MARCHF1: variants seen among roughly 807,000 people sequenced by gnomAD.
The protein encoded by MARCHF1 is E3 ubiquitin-protein ligase MARCHF1.
In MARCHF1, 40 loss-of-function variants were observed where a neutral mutation model predicts 54.2. That is an observed-to-expected ratio of 0.74 (90% CI 0.57 to 0.96). The LOEUF is 0.96. MARCHF1 is among the 40% of genes least tolerant of loss of function. MARCHF1 has a pLI of 0.00. For missense variants in MARCHF1, 586 were observed against 656.5 expected, an observed-to-expected ratio of 0.89 and a Z score of 1.17; for synonymous variants, 236 against 236.3, an observed-to-expected ratio of 1.00 and a Z score of 0.01.
At chr4:163,776,267 G>T (rs1747301329) in intron 4 of MARCHF1, among the ~76,000 whole-genome samples, 1 of 151,734 alleles carries the variant, frequency 6.6e-6, no homozygotes, top group South Asian at 2.1e-4. Context: ...TAAGTTTCAG[G>T]CTTTGTGTTC....
intron 3 of MARCHF1, among the ~76,000 whole-genome samples, chr4:163,922,555 T>C (rs901919876): frequency 8.5e-5 from 13 of 152,228 alleles, no homozygotes; most frequent in African/African-American, 3.1e-4. Flanking sequence ...TTCATCCATC[T>C]GTTACTCACA....
chr4:163,671,957 A>G (rs938868210), intron 5 of MARCHF1, among the ~76,000 whole-genome samples: 1 of 152,144 alleles, frequency 6.6e-6, no homozygotes, highest in Non-Finnish European at 1.5e-5. Context: ...AGGAGTAATC[A>G]AAGATTATTG....
At chr4:163,749,937 T>C (rs1002956946) in intron 4 of MARCHF1, among the ~76,000 whole-genome samples, 1 of 151,798 alleles carries the variant, frequency 6.6e-6, no homozygotes, top group Admixed American at 6.6e-5. Context: ...GGCATGGTGG[T>C]GCATGCCTGT....
intron 5 of MARCHF1, among the ~76,000 whole-genome samples, chr4:163,645,720 G>T (rs1233049336): frequency 6.6e-6 from 1 of 152,166 alleles, no homozygotes; most frequent in Non-Finnish European, 1.5e-5. Flanking sequence ...AGCTTCAGCA[G>T]CAGACTCAAT....
intron 4 of MARCHF1, among the ~76,000 whole-genome samples, chr4:163,737,216 T>C (rs554266979): frequency 0.022 from 1,304 of 60,104 alleles, 229 homozygotes; most frequent in Admixed American, 0.053. Context: ...TTTTTTTAAT[T>C]TTTTTTTTTT....
At chr4:164,215,351 T>A (rs1050586720) in intron 1 of MARCHF1, among the ~76,000 whole-genome samples, 1 of 152,174 alleles carries the variant, frequency 6.6e-6, no homozygotes, top group Non-Finnish European at 1.5e-5. Context: ...GACGTCCAGC[T>A]GCTTGTTTTC....
At chr4:164,018,230 T>G (rs1753587981) in intron 2 of MARCHF1, among the ~76,000 whole-genome samples, 1 of 151,928 alleles carries the variant, frequency 6.6e-6, no homozygotes, top group Admixed American at 6.6e-5. Context: ...ATAAATTTTT[T>G]TGGCTAAGTA....
At chr4:163,662,697 C>T (rs914706098) in intron 5 of MARCHF1, among the ~76,000 whole-genome samples, 4 of 151,944 alleles carry the variant, frequency 2.6e-5, no homozygotes, top group Non-Finnish European at 5.9e-5. Context: ...TGTGTGTCTC[C>T]GGCTAGTGGT....
intron 1 of MARCHF1, among the ~76,000 whole-genome samples, chr4:164,231,909 A>G (rs1303754774): frequency 6.6e-6 from 1 of 152,112 alleles, no homozygotes; most frequent in East Asian, 1.9e-4. Flanking sequence ...ATGCTTTGAC[A>G]CTATAATTGC....
intron 4 of MARCHF1, among the ~76,000 whole-genome samples, chr4:163,773,239 AG>A (rs1369141879): frequency 6.6e-6 from 1 of 152,178 alleles, no homozygotes; most frequent in African/African-American, 2.4e-5. Flanking sequence ...GAGAGGAGGA[AG>A]GGGCAGGCCC....
At chr4:163,954,462 T>A (rs1752193671) in intron 3 of MARCHF1, among the ~76,000 whole-genome samples, 1 of 152,172 alleles carries the variant, frequency 6.6e-6, no homozygotes, top group Non-Finnish European at 1.5e-5. Context: ...AATTTTCTCA[T>A]TTGTCCCTTG....
chr4:163,908,870 T>A (rs1751128552), intron 3 of MARCHF1, among the ~76,000 whole-genome samples: 1 of 152,110 alleles, frequency 6.6e-6, no homozygotes, highest in Non-Finnish European at 1.5e-5. Context: ...TTCTCTAGTG[T>A]AGATGTGCAA....
chr4:164,355,236 A>C lies in MARCHF1; in HGVS notation c.-323+28634T>G, dbSNP rs375529840. On this transcript the variant is annotated intron_variant, in intron 1 of 9. Coordinates refer to ENST00000514618, the MANE Select transcript of MARCHF1 (RefSeq NM_001394959.1). The stretch of plus-strand genomic sequence containing the variant: ...TGCCATCCCCATCAAGCTACCAATG[A>C]CTTTCTTCACAGAATTGGAAAAAAC... Among the ~76,000 whole-genome samples, 4 of 66,208 alleles carry C rather than the reference A, an allele frequency of 6.0e-5. No individual in the cohort carries two copies. In the Admixed American group the frequency reaches 8.0e-4, roughly 13 times the overall value. 43.4% of individuals were successfully genotyped at this position (66,208 alleles called of 152,430 possible).
chr4:163,573,284 A>C (rs1464910376), intron 8 of MARCHF1, among the ~76,000 whole-genome samples: 1 of 137,180 alleles, frequency 7.3e-6, no homozygotes, highest in Non-Finnish European at 1.5e-5. Flanking sequence ...TCCTATTTGG[A>C]TGCTTTTTCT....
At chr4:163,770,777 C>T (rs762876286) in intron 4 of MARCHF1, among the ~76,000 whole-genome samples, 7 of 152,082 alleles carry the variant, frequency 4.6e-5, no homozygotes, top group Admixed American at 6.6e-5. Flanking sequence ...AGTTCTTCAA[C>T]GCTCATGAGA....
At chr4:163,758,265 T>C (rs1395898759) in intron 4 of MARCHF1, among the ~76,000 whole-genome samples, 1 of 152,118 alleles carries the variant, frequency 6.6e-6, no homozygotes, top group Non-Finnish European at 1.5e-5. Context: ...TCCAAAAAGT[T>C]ACATTCAGAC....
At chr4:163,558,412 T>G (rs971277262) in intron 8 of MARCHF1, among the ~76,000 whole-genome samples, 15 of 152,184 alleles carry the variant, frequency 9.9e-5, no homozygotes, top group African/African-American at 3.6e-4. Flanking sequence ...TCTGAGGAGA[T>G]GCTTGAGCAA....
At chr4:164,132,882 A>G (rs1230493937) in intron 1 of MARCHF1, among the ~76,000 whole-genome samples, 2 of 152,084 alleles carry the variant, frequency 1.3e-5, no homozygotes, top group Non-Finnish European at 2.9e-5. Flanking sequence ...AAAAATATAT[A>G]TTATAATCAA....
intron 3 of MARCHF1, among the ~76,000 whole-genome samples, chr4:163,974,650 G>T (rs184670816): frequency 4.6e-5 from 7 of 152,254 alleles, no homozygotes; most frequent in East Asian, 3.9e-4. Context: ...TATAGTAAAA[G>T]AAATTATAAT....
Sources: gnomAD v4.1 joint callset for allele counts (sites outside exome capture counted in the v4.1 genomes callset) on GRCh38, gnomAD v4.1.1 for gene constraint, MANE v1.5 for transcripts, NCBI Gene and HGNC (gene_info 2026-07-23, HGNC 2026-07-21) for gene names.